PNISR: variants seen among roughly 807,000 people sequenced by gnomAD.
PNISR encodes PNN interacting serine and arginine rich protein.
A neutral mutation model predicts 93.4 loss-of-function variants in PNISR; 20 were observed. The ratio of observed to expected loss-of-function variants is 0.21; its 90% CI spans 0.15 to 0.31. The LOEUF (loss-of-function observed/expected upper bound fraction) is 0.31, where lower values mean the gene tolerates loss of function less well. PNISR is among the 10% of genes least tolerant of loss of function. The pLI is 1.00. For missense variants in PNISR, 893 were observed against 985.4 expected, an observed-to-expected ratio of 0.91 and a Z score of 1.25; for synonymous variants, 305 against 306.5, an observed-to-expected ratio of 0.99 and a Z score of 0.05.
Position 99,400,558 on chromosome 6 carries a change from A to AC in PNISR, c.2399_2400insG (p.Lys801Ter). On this transcript the variant is annotated frameshift_variant, in exon 12 of 12. Coordinates refer to ENST00000369239, the MANE Select transcript of PNISR (RefSeq NM_032870.4). LOFTEE classifies it high-confidence loss of function. ...AAGTATACTACCTTGATCGGGACTT[A>AC]GACTTGTGTTTGCGGCTTGCCTTCT... The AC allele has an allele frequency of 6.2e-7, 1 of 1,613,770 alleles. No homozygotes were observed. The highest frequency in any genetic ancestry group is 8.5e-7 in the Non-Finnish European group (1 of 1,179,862).
intron 1 of PNISR, among the ~76,000 whole-genome samples, chr6:99,417,630 T>C (rs1278307986): frequency 6.6e-6 from 1 of 152,158 alleles, no homozygotes; most frequent in African/African-American, 2.4e-5. Context: ...CCATCACTTT[T>C]GGTAGCACTC....
chr6:99,424,624 A>G (rs1255561036), intron 1 of PNISR, among the ~76,000 whole-genome samples: 2 of 152,274 alleles, frequency 1.3e-5, no homozygotes, highest in Admixed American at 1.3e-4. Context: ...TTGAATTAAA[A>G]TCTTAAGCTA....
intron 6 of PNISR, among the ~76,000 whole-genome samples, chr6:99,408,885 C>T (rs1044907232): frequency 2.0e-5 from 3 of 152,246 alleles, no homozygotes; most frequent in African/African-American, 7.2e-5. Context: ...GTATAATGTA[C>T]TGAAATGCCT....
At chr6:99,402,264 A>G (rs900947216) in intron 11 of PNISR, among the ~76,000 whole-genome samples, 1 of 152,204 alleles carries the variant, frequency 6.6e-6, no homozygotes, top group African/African-American at 2.4e-5. Flanking sequence ...TTACTTTTCA[A>G]TAGTCTTACA....
chr6:99,409,124 TAAA>T (rs1160443896), intron 6 of PNISR, 46 bp downstream of exon 6: 1 of 1,439,248 alleles, frequency 6.9e-7, no homozygotes, highest in Admixed American at 1.7e-5. Flanking sequence ...TTTTATATGA[TAAA>T]AAAGTCATGC....
At chr6:99,408,051 A>G in intron 7 of PNISR, 30 bp downstream of exon 7, 1 of 1,503,954 alleles carries the variant, frequency 6.6e-7, no homozygotes, top group Non-Finnish European at 9.0e-7. Flanking sequence ...AGATTTTCAC[A>G]TGGAGTTTCA....
intron 2 of PNISR, chr6:99,415,184 A>G (rs1366250731): frequency 6.6e-6 from 1 of 152,232 alleles, no homozygotes; most frequent in African/African-American, 2.4e-5. Flanking sequence ...CCTTACAAGA[A>G]AAGTTGATGA....
At chr6:99,408,016 T>C (rs1446344394) in intron 7 of PNISR, 65 bp downstream of exon 7, 6 of 1,179,688 alleles carry the variant, frequency 5.1e-6, no homozygotes, top group African/African-American at 4.6e-5. Flanking sequence ...AAAATATCTA[T>C]TTCAGTAAAG....
chr6:99,406,164 C>T lies in PNISR; in HGVS notation c.869G>A (p.Ser290Asn). 1 of 1,605,622 alleles carries T rather than the reference C, an allele frequency of 6.2e-7. No individual in the cohort carries two copies. Among genetic ancestry groups the T allele is most frequent in the Non-Finnish European group, 8.5e-7 (1 of 1,173,434 alleles). The change falls in exon 8 of 12, where the codon AGT becomes AAT. Residue 290 changes from serine (S) to asparagine (N), a missense_variant. By Grantham distance (46) the Ser-to-Asn change is conservative. This residue lies in a region of PNISR where 866 missense variants were observed against 935.1 expected (regional missense o/e 0.93). Coordinates refer to ENST00000369239, the MANE Select transcript of PNISR (RefSeq NM_032870.4). ...PRLPQRSKFD[S>N]DEEEEDTENV... The stretch of plus-strand genomic sequence containing the variant: ...TTCAGTGTCTTCTTCTTCCTCATCA[C>T]TATCCTATAAAAAACAATAGTATGG...
At chr6:99,403,270 G>A (rs1775746254) in intron 10 of PNISR, 1 of 152,134 alleles carries the variant, frequency 6.6e-6, no homozygotes, top group South Asian at 2.1e-4. Flanking sequence ...TTGAAATGAA[G>A]ATGTGGAAAA....
chr6:99,400,393 T>C lies in PNISR; in HGVS notation c.*147A>G. ...ATCTGCAATTTTAAATAAATAATATTATATAGGATTTCTAACATTTAAGAC... is the reference window on the plus strand; with the variant it reads ...ATCTGCAATTTTAAATAAATAATATCATATAGGATTTCTAACATTTAAGAC... On this transcript the variant is annotated 3_prime_UTR_variant, in exon 12 of 12. Coordinates refer to ENST00000369239, the MANE Select transcript of PNISR (RefSeq NM_032870.4). 7.6e-6 allele frequency: 9 copies of C among 1,181,032 alleles called. No homozygotes were observed. Among genetic ancestry groups the C allele is most frequent in the Non-Finnish European group, 9.7e-6 (9 of 928,776 alleles). The allele number at this position is 1,181,032 out of a possible 1,614,324, so 73.2% of individuals were successfully genotyped here. A position where few individuals can be genotyped will look rare whatever the true frequency, so the allele number is the denominator to read the frequency against.
chr6:99,402,065 A>G (rs917367611), intron 11 of PNISR, among the ~76,000 whole-genome samples: 2 of 152,214 alleles, frequency 1.3e-5, no homozygotes, highest in Non-Finnish European at 2.9e-5. Context: ...TTGTCCAACT[A>G]AAGCAAAATT....
intron 4 of PNISR, 191 bp downstream of exon 4, chr6:99,412,360 C>A: frequency 4.3e-6 from 3 of 689,922 alleles, no homozygotes; most frequent in Non-Finnish European, 7.9e-6. Context: ...CTGAGTGCCA[C>A]AAAGCTAGCA....
In PNISR at chr6:99,406,064, A is replaced by C; in HGVS notation, c.969T>G (p.Pro323=). ...SPVPQEEHSD[P]EMTEEEKEYQ... is the part of the protein sequence containing the mutation. ...ACTCTTTCTCCTCTTCAGTCATCTC[A>C]GGGTCACTGTGCTCTTCTTGAGGAA... Residue 323 remains proline (P), a synonymous_variant, in exon 8 of 12, where the codon CCT becomes CCG. Transcript: ENST00000369239. 6.2e-7 allele frequency: 1 copy of C among 1,611,576 alleles called. No individual in the cohort carries two copies. The highest frequency in any genetic ancestry group is 8.5e-7 in the Non-Finnish European group (1 of 1,177,906).
intron 1 of PNISR, among the ~76,000 whole-genome samples, chr6:99,418,159 A>G (rs1392030581): frequency 6.6e-6 from 1 of 151,288 alleles, no homozygotes; most frequent in Non-Finnish European, 1.5e-5. Flanking sequence ...TTTTTTTGAG[A>G]GGCAGTCTCG....
In PNISR at chr6:99,400,824, T is replaced by G. The variant is rs2128477474; in HGVS notation, c.2134A>C (p.Lys712Gln). 6.2e-7 allele frequency: 1 copy of G among 1,612,202 alleles called. No individual in the cohort carries two copies. The highest frequency in any genetic ancestry group is 1.7e-4 in the Middle Eastern group (1 of 6,052). ...GTTCTTTCACTTTCTCGTTTCCTTT[T>G]TAATCTATCATCCTGACTACTGAAC... ...FKFSSQDDRL[K>Q]RKRESERTFS... Residue 712 changes from lysine to glutamine, a missense_variant, in exon 12 of 12, where the codon AAA becomes CAA. This residue lies in a region of PNISR where 866 missense variants were observed against 935.1 expected (regional missense o/e 0.93). Transcript: ENST00000369239.
In PNISR at chr6:99,416,241, A is replaced by C. The variant is rs2128491415; in HGVS notation, c.-32+108T>G. Reference sequence around the variant, plus strand: ...CGCCTTTAGACTCCTTTAAGGCTAAATAGGTTATCAGAGCCCTTGAAAAGT... The same window carrying C: ...CGCCTTTAGACTCCTTTAAGGCTAACTAGGTTATCAGAGCCCTTGAAAAGT... On this transcript the variant is annotated intron_variant, in intron 2 of 11. Transcript: ENST00000369239. 4 of 402,310 alleles carry C rather than the reference A, an allele frequency of 9.9e-6. No homozygotes were observed. The East Asian group carries it at 1.4e-4, about 15-fold the overall frequency. The allele number at this position is 402,310 out of a possible 1,614,324, so 24.9% of individuals were successfully genotyped here. A position where few individuals can be genotyped will look rare whatever the true frequency, so the allele number is the denominator to read the frequency against.
chr6:99,405,885 T>G (rs1776103536), intron 8 of PNISR, 146 bp downstream of exon 8: 1 of 522,834 alleles, frequency 1.9e-6, no homozygotes, highest in Non-Finnish European at 3.3e-6. Context: ...AAGGTTTCTA[T>G]AATTGTTTTA....
Position 99,402,535 on chromosome 6 carries a change from T to A in PNISR, c.1327+5A>T, listed in dbSNP as rs1282206054. ...CCAAAATTAAGTCTAAAAGGTATAC[T>A]ACACCTTCCATCTGTTTATCATGTA... On this transcript the variant is annotated splice_donor_5th_base_variant and intron_variant, in intron 11 of 11. Coordinates refer to ENST00000369239, the MANE Select transcript of PNISR (RefSeq NM_032870.4). The A allele has an allele frequency of 6.2e-7, 1 of 1,604,190 alleles. No individual in the cohort carries two copies. The highest frequency in any genetic ancestry group is 8.5e-7 in the Non-Finnish European group (1 of 1,173,324).
Sources: gnomAD v4.1 joint callset for allele counts (sites outside exome capture counted in the v4.1 genomes callset) on GRCh38, gnomAD v4.1.1 for gene constraint, gnomAD v4.1.1 regional missense constraint, MANE v1.5 for transcripts, NCBI Gene and HGNC (gene_info 2026-07-23, HGNC 2026-07-21) for gene names.